The following GPC5 variants were observed in gnomAD, a reference collection of about 807,000 sequenced individuals.
GPC5 encodes glypican-5.
Under a neutral mutation model 53.9 loss-of-function variants are expected in GPC5, and 47 were observed. The observed-to-expected ratio is 0.87, with a 90% confidence interval of 0.69 to 1.11. GPC5 has a LOEUF of 1.11. Among genes scored for constraint, GPC5 ranks in the 50% most tolerant of loss-of-function variants. The pLI is 0.00. For synonymous variants in GPC5, 286 were observed against 263.3 expected (o/e 1.09, Z -0.84); for missense variants, 748 against 713.1 (o/e 1.05, Z -0.56).
chr13:92,800,276 G>C (rs953164175), intron 7 of GPC5, among the ~76,000 whole-genome samples: 2 of 151,716 alleles, frequency 1.3e-5, no homozygotes, highest in African/African-American at 4.8e-5. Context: ...TCCCAAGATG[G>C]GCATAACATT....
At chr13:92,698,167 TC>T (rs1291873860) in intron 7 of GPC5, among the ~76,000 whole-genome samples, 1 of 152,036 alleles carries the variant, frequency 6.6e-6, no homozygotes, top group African/African-American at 2.4e-5. Flanking sequence ...TTTCTTTTTT[TC>T]TTTTTTTTTA....
chr13:91,925,693 A>G (rs767595908), intron 6 of GPC5, among the ~76,000 whole-genome samples: 13 of 152,210 alleles, frequency 8.5e-5, no homozygotes, highest in Non-Finnish European at 1.8e-4. Context: ...AGGTATGGGC[A>G]TACGAAATTG....
chr13:91,685,930 TAA>T (rs34313349), intron 2 of GPC5, among the ~76,000 whole-genome samples: 17 of 142,294 alleles, frequency 1.2e-4, no homozygotes, highest in African/African-American at 3.8e-4. Context: ...ATGAATTAAC[TAA>T]AAAAAAAAAA....
chr13:92,338,120 C>T (rs1020064458), intron 7 of GPC5, among the ~76,000 whole-genome samples: 2 of 152,028 alleles, frequency 1.3e-5, no homozygotes, highest in African/African-American at 4.8e-5. Context: ...AATAAGGAAA[C>T]ATACAACCTG....
chr13:91,963,359 CA>C (rs2040144603), intron 6 of GPC5, among the ~76,000 whole-genome samples: 1 of 152,128 alleles, frequency 6.6e-6, no homozygotes, highest in African/African-American at 2.4e-5. Flanking sequence ...GTATTTCCCC[CA>C]AATTTTCAAA....
intron 7 of GPC5, among the ~76,000 whole-genome samples, chr13:92,733,474 C>A (rs573591204): frequency 6.6e-6 from 1 of 151,832 alleles, no homozygotes; most frequent in South Asian, 2.1e-4. Flanking sequence ...CAAATGTTGT[C>A]TTTGTTAAAT....
At chr13:92,748,450 G>T (rs974682986) in intron 7 of GPC5, among the ~76,000 whole-genome samples, 2 of 151,468 alleles carry the variant, frequency 1.3e-5, no homozygotes, top group Non-Finnish European at 2.9e-5. Flanking sequence ...CTCTGCCTCA[G>T]CCTCCTGAGT....
intron 5 of GPC5, among the ~76,000 whole-genome samples, chr13:91,807,537 G>A (rs528868544): frequency 1.3e-5 from 2 of 152,218 alleles, no homozygotes; most frequent in African/African-American, 4.8e-5. Flanking sequence ...TTTTGTTTCT[G>A]CTACTTATTT....
chr13:92,804,066 C>G (rs1220736589), intron 7 of GPC5, among the ~76,000 whole-genome samples: 1 of 151,944 alleles, frequency 6.6e-6, no homozygotes, highest in East Asian at 1.9e-4. Flanking sequence ...AAGATTTTCT[C>G]TAATCCACAG....
intron 7 of GPC5, among the ~76,000 whole-genome samples, chr13:92,804,962 G>A (rs1479828617): frequency 6.6e-6 from 1 of 151,968 alleles, no homozygotes; most frequent in Non-Finnish European, 1.5e-5. Flanking sequence ...ATCCGCTCAA[G>A]TTTTATCATG....
intron 2 of GPC5, among the ~76,000 whole-genome samples, chr13:91,628,739 T>C (rs1428501175): frequency 6.6e-6 from 1 of 152,140 alleles, no homozygotes; most frequent in South Asian, 2.1e-4. Flanking sequence ...CTAAGTCCAT[T>C]TCTTTTCATT....
chr13:92,325,007 C>A (rs543232845), intron 7 of GPC5, among the ~76,000 whole-genome samples: 27 of 151,460 alleles, frequency 1.8e-4, no homozygotes, highest in African/African-American at 4.8e-4. Context: ...AGTGATTTTG[C>A]AAAATACGTA....
In GPC5 at chr13:92,676,707, A is replaced by T. The variant is rs578097393; in HGVS notation, c.1562-189575A>T. ...TACCCCACGACTATTCAACCTGCCCATTATTGGGTAGCTTTCATATAATCA... is the reference window on the plus strand; with the variant it reads ...TACCCCACGACTATTCAACCTGCCCTTTATTGGGTAGCTTTCATATAATCA... On this transcript the variant is annotated intron_variant, in intron 7 of 7. Transcript: ENST00000377067. Among the ~76,000 whole-genome samples the T allele has an allele frequency of 9.2e-5, 14 of 152,298 alleles. No homozygotes were observed. The South Asian group carries it at 2.9e-3, about 32-fold the overall frequency.
At chr13:91,854,415 T>C (rs1250938575) in intron 5 of GPC5, among the ~76,000 whole-genome samples, 1 of 151,794 alleles carries the variant, frequency 6.6e-6, no homozygotes, top group African/African-American at 2.4e-5. Flanking sequence ...CTCTTAGTTA[T>C]TTTAAAATAT....
intron 6 of GPC5, among the ~76,000 whole-genome samples, chr13:91,924,591 A>G (rs755325842): frequency 2.6e-5 from 4 of 151,834 alleles, no homozygotes; most frequent in Admixed American, 6.6e-5. Context: ...AAAGTAAAGC[A>G]TTAGCTGGGC....
At chr13:92,131,952 T>G (rs1594775789) in intron 6 of GPC5, among the ~76,000 whole-genome samples, 1 of 152,140 alleles carries the variant, frequency 6.6e-6, no homozygotes, top group East Asian at 1.9e-4. Flanking sequence ...ACTGGGAATT[T>G]TTTACACCAA....
chr13:92,432,357 GTT>G (rs57952325), intron 7 of GPC5, among the ~76,000 whole-genome samples: 1,962 of 111,278 alleles, frequency 0.018, 21 homozygotes, highest in African/African-American at 0.064. Context: ...TTGGTGGTGG[GTT>G]TTTTTTTTTT....
At chr13:91,766,309 A>G (rs373779167) in intron 5 of GPC5, among the ~76,000 whole-genome samples, 1 of 152,170 alleles carries the variant, frequency 6.6e-6, no homozygotes, top group African/African-American at 2.4e-5. Flanking sequence ...TTTGTGTACA[A>G]ACTTTCAGAT....
intron 7 of GPC5, among the ~76,000 whole-genome samples, chr13:92,731,088 G>A (rs576049207): frequency 1.3e-5 from 2 of 151,510 alleles, no homozygotes; most frequent in South Asian, 4.2e-4. Flanking sequence ...CAACAAGGAA[G>A]CTGGTAATCC....
Sources: allele counts gnomAD v4.1 joint callset (sites outside exome capture counted in the v4.1 genomes callset), GRCh38; gene constraint gnomAD v4.1.1; transcripts MANE v1.5; gene names NCBI Gene and HGNC (gene_info 2026-07-23, HGNC 2026-07-21).